The following WWOX variants were observed in gnomAD, a reference collection of about 807,000 sequenced individuals.
WWOX encodes the protein WW domain-containing oxidoreductase.
In WWOX, 69 loss-of-function variants were observed where a neutral mutation model predicts 46.2. That is an observed-to-expected ratio of 1.49 (90% CI 1.23 to 1.82). The LOEUF is 1.82. Ranked by LOEUF, WWOX falls within the 40% of genes most tolerant of loss-of-function variation. The probability of loss-of-function intolerance (pLI) is 0.00; values close to 1 mark genes in which losing one functional copy is unlikely to be tolerated. For missense variants in WWOX, 919 were observed against 542.6 expected (o/e 1.69, Z -6.89); for synonymous variants, 359 against 202.6 (o/e 1.77, Z -6.56).
At chr16:78,905,967 G>A (rs908027120) in intron 8 of WWOX, among the ~76,000 whole-genome samples, 5 of 152,198 alleles carry the variant, frequency 3.3e-5, no homozygotes, top group African/African-American at 1.2e-4. Context: ...AAAGGGAGAA[G>A]TAGCTGCATG....
intron 8 of WWOX, among the ~76,000 whole-genome samples, chr16:78,939,508 C>G (rs980930840): frequency 6.6e-6 from 1 of 152,098 alleles, no homozygotes; most frequent in Non-Finnish European, 1.5e-5. Context: ...TGTTTCAAGT[C>G]TAGTCTGATG....
At chr16:78,435,548 G>A (rs2083316154) in intron 8 of WWOX, among the ~76,000 whole-genome samples, 1 of 152,186 alleles carries the variant, frequency 6.6e-6, no homozygotes, top group Admixed American at 6.5e-5. Flanking sequence ...AGAGGGTTTG[G>A]AGAAAAGTGG....
intron 8 of WWOX, among the ~76,000 whole-genome samples, chr16:78,828,488 C>T (rs11150104): frequency 0.27 from 40,282 of 151,868 alleles, 6,282 homozygotes; most frequent in Middle Eastern, 0.42. Context: ...CATCTAAAGT[C>T]CAGCACTGCA....
intron 8 of WWOX, among the ~76,000 whole-genome samples, chr16:78,860,094 A>G (rs987871532): frequency 5.3e-5 from 8 of 152,226 alleles, no homozygotes; most frequent in African/African-American, 1.9e-4. Flanking sequence ...GCACAAACAC[A>G]TAAACTTTTG....
chr16:78,511,637 T>G (rs761924723), intron 8 of WWOX, among the ~76,000 whole-genome samples: 1 of 152,162 alleles, frequency 6.6e-6, no homozygotes, highest in Non-Finnish European at 1.5e-5. Flanking sequence ...AGGTTGCCAA[T>G]AAAGTTTATT....
intron 8 of WWOX, among the ~76,000 whole-genome samples, chr16:79,048,288 G>T (rs1480512311): frequency 1.3e-5 from 2 of 152,030 alleles, no homozygotes; most frequent in African/African-American, 2.4e-5. Context: ...CTCCATCCTT[G>T]CAAAGCTCAG....
In WWOX at chr16:78,578,280, A is replaced by ATT. The variant is rs1433554555; in HGVS notation, c.1056+145529_1056+145530insTT. 5.1e-3 allele frequency among the ~76,000 whole-genome samples: 181 copies of ATT among 35,394 alleles called. 7 individuals carry two copies. Among genetic ancestry groups the ATT allele is most frequent in the East Asian group, 0.012 (17 of 1,378 alleles). 23.2% of individuals were successfully genotyped at this position (35,394 alleles called of 152,430 possible). A position where few individuals can be genotyped will look rare whatever the true frequency, so the allele number is the denominator to read the frequency against. The stretch of plus-strand genomic sequence containing the variant: ...TATATATATATATATATATATATAT[A>ATT]TATATTTTTTTTTTTTTTTTTTTTT... On this transcript the variant is annotated intron_variant, in intron 8 of 8. Coordinates refer to ENST00000566780, the MANE Select transcript of WWOX (RefSeq NM_016373.4).
chr16:79,031,920 ATATATAGATATCTG>A lies in WWOX; in HGVS notation c.1057-179683_1057-179670del, dbSNP rs2047768583. ...GATATCTATATATATAGATATCTATATATATAGATATCTGTATACAGATATCTGTATATATATAT... is the reference window on the plus strand; with the variant it reads ...GATATCTATATATATAGATATCTATATATACAGATATCTGTATATATATAT... On this transcript the variant is annotated intron_variant, in intron 8 of 8. Coordinates refer to ENST00000566780, the MANE Select transcript of WWOX (RefSeq NM_016373.4). Among the ~76,000 whole-genome samples, 14 of 60,216 alleles carry A rather than the reference ATATATAGATATCTG, an allele frequency of 2.3e-4. No individual in the cohort carries two copies. The South Asian group carries it at 7.1e-3, about 30-fold the overall frequency. 39.5% of individuals were successfully genotyped at this position (60,216 alleles called of 152,430 possible).
intron 8 of WWOX, among the ~76,000 whole-genome samples, chr16:78,670,766 C>A (rs991619835): frequency 1.3e-5 from 2 of 152,176 alleles, no homozygotes; most frequent in Non-Finnish European, 2.9e-5. Flanking sequence ...CCTGCTTTGA[C>A]CTCCTAAAGT....
intron 8 of WWOX, among the ~76,000 whole-genome samples, chr16:78,448,925 G>T (rs2083623118): frequency 6.6e-6 from 1 of 152,152 alleles, no homozygotes; most frequent in Non-Finnish European, 1.5e-5. Context: ...TGAAGTCCTT[G>T]GGTCGGCTAT....
intron 8 of WWOX, among the ~76,000 whole-genome samples, chr16:78,810,361 AT>A (rs2051155065): frequency 6.6e-6 from 1 of 152,194 alleles, no homozygotes; most frequent in South Asian, 2.1e-4. Context: ...CGGTATATTT[AT>A]GTGGACACAT....
chr16:78,842,796 C>G (rs11863584), intron 8 of WWOX, among the ~76,000 whole-genome samples: 4,162 of 132,904 alleles, frequency 0.031, 241 homozygotes, highest in African/African-American at 0.097. Flanking sequence ...AGGTTGCAGT[C>G]AACCAAGATC....
intron 8 of WWOX, among the ~76,000 whole-genome samples, chr16:78,687,277 C>T (rs2738633): frequency 0.42 from 63,921 of 151,954 alleles, 13,934 homozygotes; most frequent in Admixed American, 0.55. Flanking sequence ...TTAACATCTC[C>T]ATGTCGTAAT....
intron 8 of WWOX, chr16:78,896,729 C>T (rs937762604): frequency 1.3e-5 from 2 of 150,184 alleles, no homozygotes; most frequent in East Asian, 3.9e-4. Context: ...TAAAATTGGG[C>T]CTGTGGAATA....
At chr16:79,022,492 G>C (rs1321505567) in intron 8 of WWOX, among the ~76,000 whole-genome samples, 4 of 152,062 alleles carry the variant, frequency 2.6e-5, no homozygotes, top group Non-Finnish European at 4.4e-5. Flanking sequence ...TCTCGGAGGA[G>C]CTGAGTCCCA....
intron 8 of WWOX, among the ~76,000 whole-genome samples, chr16:78,586,741 A>G (rs1015777212): frequency 6.6e-6 from 1 of 152,176 alleles, no homozygotes; most frequent in Non-Finnish European, 1.5e-5. Flanking sequence ...TGAAAATGCC[A>G]TTATTCTTTG....
At chr16:78,385,872 G>C (rs1392283779) in intron 5 of WWOX, among the ~76,000 whole-genome samples, 1 of 152,174 alleles carries the variant, frequency 6.6e-6, no homozygotes, top group Non-Finnish European at 1.5e-5. Context: ...CTAGGTCTAA[G>C]AAGTGATAGT....
chr16:78,528,155 C>T (rs971225368), intron 8 of WWOX, among the ~76,000 whole-genome samples: 6 of 129,144 alleles, frequency 4.6e-5, no homozygotes, highest in African/African-American at 1.3e-4. Context: ...CCCGCCACCA[C>T]ACCTGGCTAA....
At chr16:78,204,031 A>T (rs2036315138) in intron 5 of WWOX, among the ~76,000 whole-genome samples, 1 of 152,186 alleles carries the variant, frequency 6.6e-6, no homozygotes, top group Admixed American at 6.5e-5. Flanking sequence ...ACACGTTGTC[A>T]GCCATCCCCT....
Sources: gnomAD v4.1 joint callset for allele counts (sites outside exome capture counted in the v4.1 genomes callset) on GRCh38, gnomAD v4.1.1 for gene constraint, MANE v1.5 for transcripts, NCBI Gene and HGNC (gene_info 2026-07-23, HGNC 2026-07-21) for gene names.